COL4A2: variants seen among roughly 807,000 people sequenced by gnomAD.
The protein encoded by COL4A2 is collagen type IV alpha 2 chain, also known as collagen alpha-2(IV) chain.
Under a neutral mutation model 200.2 loss-of-function variants are expected in COL4A2, and 99 were observed. The observed-to-expected ratio is 0.49, with a 90% CI of 0.42 to 0.58. The LOEUF is 0.58. Among genes scored for constraint, COL4A2 ranks in the 20% least tolerant of loss-of-function variants. The pLI is 0.00. For synonymous variants in COL4A2, 897 were observed against 900.6 expected (o/e 1.00, Z 0.07); for missense variants, 1,950 against 2,314.1 (o/e 0.84, Z 3.23).
intron 29 of COL4A2, among the ~76,000 whole-genome samples, chr13:110,474,359 G>A (rs568263426): frequency 5.3e-5 from 8 of 152,322 alleles, no homozygotes; most frequent in Non-Finnish European, 8.8e-5. Context: ...ATGAAGCTCA[G>A]GAGCATGAAT....
At chr13:110,452,281 C>T (rs113914580) in intron 20 of COL4A2, among the ~76,000 whole-genome samples, 3,586 of 152,254 alleles carry the variant, frequency 0.024, 88 homozygotes, top group African/African-American at 0.062. Context: ...CCCAGGCGCC[C>T]GCCACCGCGC....
chr13:110,482,008 A>G (rs72657979), intron 31 of COL4A2, among the ~76,000 whole-genome samples: 1,611 of 110,626 alleles, frequency 0.015, 256 homozygotes, highest in African/African-American at 0.053. Context: ...CGGTCCTTCC[A>G]TTGCTGGAGA....
At chr13:110,482,750 T>G in intron 32 of COL4A2, 91 bp downstream of exon 32, 1 of 1,412,196 alleles carries the variant, frequency 7.1e-7, no homozygotes, top group Non-Finnish European at 9.7e-7. Context: ...AGAATGAATT[T>G]TTGAAAACCC....
At chr13:110,429,647 C>A (rs1357502937) in intron 7 of COL4A2, among the ~76,000 whole-genome samples, 1 of 151,954 alleles carries the variant, frequency 6.6e-6, no homozygotes, top group East Asian at 1.9e-4. Flanking sequence ...TAATTTAAAT[C>A]CTAAAGTATT....
rs537915641 is a variant in COL4A2, at chr13:110,423,873, C to T, written c.181-861C>T. ...TCAGCACAGAGTCCTCAAGGTTCTT[C>T]CGTGTCACAGCCTAGGTGACTGCTT... On this transcript the variant is annotated intron_variant, in intron 4 of 47. Transcript: ENST00000360467. Among the ~76,000 whole-genome samples, 278 of 152,312 alleles carry T rather than the reference C, an allele frequency of 1.8e-3. 2 individuals are homozygous for T. Among genetic ancestry groups the T allele is most frequent in the African/African-American group, 6.5e-3 (270 of 41,556 alleles).
chr13:110,371,832 G>A (rs968920457), intron 4 of COL4A2, among the ~76,000 whole-genome samples: 2 of 152,240 alleles, frequency 1.3e-5, no homozygotes, highest in African/African-American at 4.8e-5. Flanking sequence ...TGGCCGTGCC[G>A]GGAGCTCATT....
intron 45 of COL4A2, among the ~76,000 whole-genome samples, chr13:110,505,178 G>C (rs113382081): frequency 3.6e-4 from 54 of 151,190 alleles, no homozygotes; most frequent in African/African-American, 1.3e-3. Context: ...GTGAAACCCC[G>C]TCTCTACTAA....
In COL4A2 at chr13:110,492,056, G is replaced by T. The variant is rs369510198; in HGVS notation, c.3455-14G>T. On this transcript the variant is annotated splice_polypyrimidine_tract_variant and intron_variant, in intron 37 of 47. Coordinates refer to ENST00000360467, the MANE Select transcript of COL4A2 (RefSeq NM_001846.4). ...GTCCTGTGTGCTCAGACTTAATGCT[G>T]TGTTCACCCCCAGGCTTTCCAGGGC... 1.3e-6 allele frequency: 2 copies of T among 1,550,040 alleles called. No individual in the cohort carries two copies. Among genetic ancestry groups the T allele is most frequent in the Non-Finnish European group, 1.7e-6 (2 of 1,146,160 alleles).
intron 3 of COL4A2, among the ~76,000 whole-genome samples, chr13:110,333,236 C>G (rs1316631094): frequency 6.6e-6 from 1 of 152,208 alleles, no homozygotes. Flanking sequence ...CGAGGTGTAC[C>G]TCTCATCATC....
At chr13:110,404,204 T>A (rs1879479619) in intron 4 of COL4A2, among the ~76,000 whole-genome samples, 1 of 152,208 alleles carries the variant, frequency 6.6e-6, no homozygotes, top group Admixed American at 6.5e-5. Context: ...ATAATATAAG[T>A]ATGATGTATT....
At chr13:110,334,995 A>G (rs188588493) in intron 3 of COL4A2, among the ~76,000 whole-genome samples, 20 of 152,004 alleles carry the variant, frequency 1.3e-4, no homozygotes, top group African/African-American at 4.3e-4. Flanking sequence ...GCTCCAGGTG[A>G]CCTCAACTAT....
At chr13:110,352,906 C>A (rs1470331137) in intron 3 of COL4A2, among the ~76,000 whole-genome samples, 2 of 152,154 alleles carry the variant, frequency 1.3e-5, no homozygotes. Flanking sequence ...CTACAGCACG[C>A]CCCACGAGCC....
chr13:110,483,889 T>C (rs762733480), intron 32 of COL4A2, among the ~76,000 whole-genome samples: 16 of 152,212 alleles, frequency 1.1e-4, no homozygotes, highest in Non-Finnish European at 1.6e-4. Flanking sequence ...AATTGTTCTG[T>C]TTACTGGAGC....
At chr13:110,364,040 A>G (rs1282838219) in intron 4 of COL4A2, among the ~76,000 whole-genome samples, 2 of 152,210 alleles carry the variant, frequency 1.3e-5, no homozygotes, top group Non-Finnish European at 2.9e-5. Flanking sequence ...TGTGTGGAAT[A>G]AAAACATCAG....
rs1192209322 is a variant in COL4A2, at chr13:110,384,109, AGT to A, written c.180+26562_180+26563del. On this transcript the variant is annotated intron_variant, in intron 4 of 47. Transcript: ENST00000360467. ...CAGGAAATATGATCAAAAGAGTGGT[AGT>A]GTGTTTAGACTTGTGGCTCACTCTG... Among the ~76,000 whole-genome samples, 5 of 152,344 alleles carry A rather than the reference AGT, an allele frequency of 3.3e-5. No individual in the cohort carries two copies. The East Asian group carries it at 7.7e-4, about 24-fold the overall frequency.
At chr13:110,362,615 C>T (rs1289020034) in intron 4 of COL4A2, among the ~76,000 whole-genome samples, 2 of 152,154 alleles carry the variant, frequency 1.3e-5, no homozygotes, top group Admixed American at 1.3e-4. Context: ...GCCACCACAC[C>T]CAGCCTTCTT....
At chr13:110,479,514 A>G (rs531477677) in intron 30 of COL4A2, among the ~76,000 whole-genome samples, 1 of 16,382 alleles carries the variant, frequency 6.1e-5, no homozygotes, top group African/African-American at 1.5e-4. Context: ...CGGCTGGGGA[A>G]GAGAGCCTGA....
chr13:110,490,441 A>T (rs1377339645), intron 36 of COL4A2, among the ~76,000 whole-genome samples: 2 of 152,176 alleles, frequency 1.3e-5, no homozygotes, highest in Non-Finnish European at 2.9e-5. Flanking sequence ...GGAGGGAAGG[A>T]GTCTGTCCAG....
intron 3 of COL4A2, among the ~76,000 whole-genome samples, chr13:110,347,128 C>T (rs1876739795): frequency 6.6e-6 from 1 of 152,212 alleles, no homozygotes; most frequent in Non-Finnish European, 1.5e-5. Flanking sequence ...CAGGAAATGC[C>T]AAGCCCCCTT....
Sources: gnomAD v4.1 joint callset for allele counts (sites outside exome capture counted in the v4.1 genomes callset) on GRCh38, gnomAD v4.1.1 for gene constraint, MANE v1.5 for transcripts, NCBI Gene and HGNC (gene_info 2026-07-23, HGNC 2026-07-21) for gene names.